The following ARHGAP9 variants were observed in gnomAD, a reference collection of about 807,000 sequenced individuals.
ARHGAP9 encodes Rho GTPase activating protein 9.
In ARHGAP9, 76 loss-of-function variants were observed where a neutral mutation model predicts 87.3. The ratio of observed to expected loss-of-function variants is 0.87; its 90% CI spans 0.72 to 1.05. The LOEUF is 1.05. Ranked by LOEUF, ARHGAP9 falls within the 50% of genes least tolerant of loss-of-function variation. The pLI is 0.00. For synonymous variants in ARHGAP9, 382 were observed against 394.9 expected (o/e 0.97, Z 0.39); for missense variants, 941 against 960.5 (o/e 0.98, Z 0.27).
chr12:57,485,641 A>C (rs1343477326), intron 1 of ARHGAP9, among the ~76,000 whole-genome samples: 1 of 151,836 alleles, frequency 6.6e-6, no homozygotes, highest in East Asian at 1.9e-4. Context: ...CAGCTGCCCA[A>C]AGCACAGGGA....
chr12:57,474,536 C>T, intron 14 of ARHGAP9, 60 bp from the exon 15 acceptor site: 1 of 1,613,446 alleles, frequency 6.2e-7, no homozygotes. Context: ...CTGACGGCCT[C>T]TCTATTCTGC....
chr12:57,475,455 G>A (rs1873235036), intron 11 of ARHGAP9, 28 bp downstream of exon 11: 9 of 1,581,536 alleles, frequency 5.7e-6, no homozygotes, highest in Non-Finnish European at 6.9e-6. Flanking sequence ...TGCGCTCCCG[G>A]ACTCTCCCTC....
In ARHGAP9 at chr12:57,473,648, T is replaced by C. The variant is rs1565608680; in HGVS notation, c.1979A>G (p.Lys660Arg). The C allele has an allele frequency of 6.2e-7, 1 of 1,614,050 alleles. No homozygotes were observed. The highest frequency in any genetic ancestry group is 8.5e-7 in the Non-Finnish European group (1 of 1,179,938). The change falls in exon 17 of 18, where the codon AAG (lysine) becomes AGG (arginine). Residue 660 changes from lysine to arginine, a missense_variant. Lys to Arg is a conservative substitution (Grantham distance 26). Transcript: ENST00000393791. ...QIQELIGSMP[K>R]PNHDTLRYLL... ...GTACCGTAGAGTGTCATGGTTGGGC[T>C]TTGGCATTGAGCCTATTAATTCTTG...
chr12:57,488,133 G>C, intron 1 of ARHGAP9: 1 of 1,614,198 alleles, frequency 6.2e-7, no homozygotes, highest in Non-Finnish European at 8.5e-7. Context: ...TTGCTTGCCG[G>C]TGCTGGCCGC....
Position 57,475,593 on chromosome 12 carries a change from A to G in ARHGAP9, c.1334T>C (p.Leu445Pro), listed in dbSNP as rs1305945487. The G allele has an allele frequency of 6.2e-7, 1 of 1,612,210 alleles. No homozygotes were observed. The highest frequency in any genetic ancestry group is 8.5e-7 in the Non-Finnish European group (1 of 1,179,482). ...ERLDRENPLE[L>P]RLSGSGPAEL... ...CGCGGGTCCAGAGCCCGACAGACGC[A>G]GCTCCAGGGGGTTCTCCCGATCCTA... The change falls in exon 11 of 18, where the codon CTG becomes CCG. Residue 445 changes from leucine (L) to proline (P), a missense_variant. By Grantham distance (98) the Leu-to-Pro change is moderately conservative. Coordinates refer to ENST00000393791, the MANE Select transcript of ARHGAP9 (RefSeq NM_032496.4).
At chr12:57,486,196 T>C (rs1331064262) in intron 1 of ARHGAP9, among the ~76,000 whole-genome samples, 1 of 152,164 alleles carries the variant, frequency 6.6e-6, no homozygotes, top group Admixed American at 6.5e-5. Context: ...ATAAGAAGCG[T>C]CCCTTTCTCA....
intron 3 of ARHGAP9, 185 bp from the exon 4 acceptor site, chr12:57,477,865 C>A: frequency 7.0e-7 from 1 of 1,420,486 alleles, no homozygotes; most frequent in South Asian, 1.4e-5. Flanking sequence ...TTCTCTCTCT[C>A]ACAGTTTTCT....
chr12:57,479,112 C>A lies in ARHGAP9; in HGVS notation c.295G>T (p.Gly99Cys). 1.9e-6 allele frequency: 3 copies of A among 1,614,012 alleles called. No individual in the cohort carries two copies. The highest frequency in any genetic ancestry group is 2.5e-6 in the Non-Finnish European group (3 of 1,179,980). The change falls in exon 2 of 18, where the codon GGC becomes TGC. Residue 99 changes from glycine (G) to cysteine (C), a missense_variant. Gly to Cys is a radical substitution (Grantham distance 159). Coordinates refer to ENST00000393791, the MANE Select transcript of ARHGAP9 (RefSeq NM_032496.4). Reference sequence around the variant, plus strand: ...TCACCAGGAGTCCAGAGCAATTGGCCGGGGATGACGGTAGTTGGACTCTGG... The same window carrying A: ...TCACCAGGAGTCCAGAGCAATTGGCAGGGGATGACGGTAGTTGGACTCTGG... ...PSQSPTTVIP[G>C]QLLWTPGPKL...
At chr12:57,487,966 T>C in intron 1 of ARHGAP9, 1 of 749,246 alleles carries the variant, frequency 1.3e-6, no homozygotes. Flanking sequence ...TAGTCTACTT[T>C]CCGGTAGCGG....
chr12:57,476,616 C>T lies in ARHGAP9; in HGVS notation c.999G>A (p.Lys333=), dbSNP rs201853667. 1.2e-6 allele frequency: 2 copies of T among 1,614,164 alleles called. No homozygotes were observed. The highest frequency in any genetic ancestry group is 2.2e-5 in the East Asian group (1 of 44,878). Residue 333 remains lysine (K), a synonymous_variant, in exon 7 of 18, where the codon AAG becomes AAA. Coordinates refer to ENST00000393791, the MANE Select transcript of ARHGAP9 (RefSeq NM_032496.4). ...TGAGCTTGCGCCCCCCTTGGGCAAT[C>T]TTGGTCATGTTGAGCAGACCCGACT... ...VEKSGLLNMT[K]IAQGGRKLRK...
upstream of ARHGAP9, among the ~76,000 whole-genome samples, chr12:57,482,611 G>A (rs1229964596): frequency 6.6e-6 from 1 of 152,060 alleles, no homozygotes; most frequent in African/African-American, 2.4e-5. Flanking sequence ...AGGCTGAGGT[G>A]GGAGTATCTA....
rs527248718 is a variant in ARHGAP9, at chr12:57,476,807, GC to G, written c.963+63del. ...AGAAAGAGGAAGATGTTTATGTGGA[GC>G]AGGAAAAGGGGGGAGGGGGGGCAGG... On this transcript the variant is annotated intron_variant, in intron 6 of 17. Coordinates refer to ENST00000393791, the MANE Select transcript of ARHGAP9 (RefSeq NM_032496.4). The G allele has an allele frequency of 2.9e-4, 359 of 1,245,040 alleles. No homozygotes were observed. In the African/African-American group the frequency reaches 4.7e-3, roughly 16 times the overall value. The allele number at this position is 1,245,040 out of a possible 1,614,324, so 77.1% of individuals were successfully genotyped here.
intron 17 of ARHGAP9, among the ~76,000 whole-genome samples, chr12:57,473,062 G>C (rs924288755): frequency 3.3e-5 from 5 of 152,182 alleles, no homozygotes; most frequent in African/African-American, 1.2e-4. Flanking sequence ...GGAGAAGTAA[G>C]ATTTCCCTTA....
At position 57,478,616 on chromosome 12, in the gene ARHGAP9, A is replaced by C. The variant is rs777873269; in HGVS notation, c.458T>G (p.Leu153Arg). The change falls in exon 3 of 18, where the codon CTG becomes CGG. Residue 153 changes from leucine to arginine, a missense_variant. By Grantham distance (102) the Leu-to-Arg change is moderately radical. Transcript: ENST00000393791. ...GCTTGGTCCTTCCTGGAAAGGCTTC[A>C]GAAGGCTGGGGCTCAGATTGTCAGT... Reference protein sequence around the residue: ...VSTDNLSPSLLKPFQEGPSGR... With the variant: ...VSTDNLSPSLRKPFQEGPSGR... The C allele has an allele frequency of 2.0e-5, 33 of 1,614,094 alleles. No individual in the cohort carries two copies. The highest frequency in any genetic ancestry group is 2.8e-5 in the Non-Finnish European group (33 of 1,180,028).
chr12:57,477,818 G>A (rs751483429), intron 3 of ARHGAP9, 138 bp from the exon 4 acceptor site: 2 of 1,508,246 alleles, frequency 1.3e-6, no homozygotes, highest in Admixed American at 2.2e-5. Flanking sequence ...CCAGGGTACT[G>A]GGGGAGAAAC....
At chr12:57,488,762 G>A (rs1875674722) in exon 1 of ARHGAP9, 1 of 1,135,338 alleles carries the variant, frequency 8.8e-7, no homozygotes, top group Admixed American at 2.0e-5. Context: ...CTTGGCTGCA[G>A]CACTATCCCA....
Position 57,486,302 on chromosome 12 carries a change from C to T in ARHGAP9, c.-204+2310G>A, listed in dbSNP as rs138012495. Among the ~76,000 whole-genome samples the T allele has an allele frequency of 1.1e-4, 17 of 151,190 alleles. 1 individual carries two copies. The highest frequency in any genetic ancestry group is 1.1e-3 in the Admixed American group (16 of 15,218). On this transcript the variant is annotated intron_variant, in intron 1 of 20. Coordinates refer to the ARHGAP9 transcript ENST00000393797. ...TTTTTTTTTTTGAGACGAAGTCTTGCTCTATTGTGCAGGCTGGAGTGTAGA... is the reference window on the plus strand; with the variant it reads ...TTTTTTTTTTTGAGACGAAGTCTTGTTCTATTGTGCAGGCTGGAGTGTAGA...
chr12:57,479,640 A>T lies in ARHGAP9; in HGVS notation c.-19+90T>A, dbSNP rs151159680. On this transcript the variant is annotated intron_variant, in intron 1 of 17. Transcript: ENST00000393791. ...TCTGGTGAGGAAGTATGTAAGTAAC[A>T]TGAGAGAGGATGTGGTCAGCAGGGC... 5,794 of 1,548,926 alleles carry T rather than the reference A, an allele frequency of 3.7e-3. 11 individuals carry two copies. The highest frequency in any genetic ancestry group is 6.7e-3 in the Middle Eastern group (35 of 5,198).
At chr12:57,475,076 C>T in intron 12 of ARHGAP9, 103 bp from the exon 13 acceptor site, 1 of 1,288,392 alleles carries the variant, frequency 7.8e-7, no homozygotes, top group Non-Finnish European at 1.1e-6. Context: ...CTCCTGGCTG[C>T]CTGTGCCAGG....
Sources: allele counts gnomAD v4.1 joint callset (sites outside exome capture counted in the v4.1 genomes callset), GRCh38; gene constraint gnomAD v4.1.1; transcripts MANE v1.5; gene names NCBI Gene and HGNC (gene_info 2026-07-23, HGNC 2026-07-21).